The following CASQ2 variants were observed in gnomAD, a reference collection of about 807,000 sequenced individuals.
CASQ2 encodes the protein calsequestrin-2.
In CASQ2, 49 loss-of-function variants were observed where a neutral mutation model predicts 46.5. The observed-to-expected ratio is 1.05, with a 90% CI of 0.84 to 1.34. The LOEUF is 1.34. Among genes scored for constraint, CASQ2 ranks in the 40% most tolerant of loss-of-function variants. The pLI is 0.00. For missense variants in CASQ2, 486 were observed against 481.3 expected (o/e 1.01, Z -0.09); for synonymous variants, 174 against 168.5 (o/e 1.03, Z -0.25).
chr1:115,733,672 G>A (rs1647865702), intron 4 of CASQ2, among the ~76,000 whole-genome samples: 1 of 152,144 alleles, frequency 6.6e-6, no homozygotes, highest in Non-Finnish European at 1.5e-5. Context: ...ACTTGGGAAA[G>A]AGATTTGTCC....
intron 7 of CASQ2, among the ~76,000 whole-genome samples, chr1:115,722,621 A>T (rs1290826692): frequency 1.3e-5 from 2 of 152,198 alleles, no homozygotes; most frequent in Non-Finnish European, 2.9e-5. Context: ...AGGAATAAAG[A>T]CAATAAAAAG....
intron 7 of CASQ2, among the ~76,000 whole-genome samples, chr1:115,722,895 A>G (rs915427549): frequency 2.6e-5 from 4 of 152,024 alleles, no homozygotes; most frequent in African/African-American, 9.7e-5. Context: ...TAAAAACACA[A>G]AAACTAGCCA....
At chr1:115,741,890 A>G (rs1261415367) in intron 2 of CASQ2, among the ~76,000 whole-genome samples, 1 of 152,248 alleles carries the variant, frequency 6.6e-6, no homozygotes, top group Non-Finnish European at 1.5e-5. Flanking sequence ...GTTTTCTCCA[A>G]ATGAACTCTT....
Position 115,732,982 on chromosome 1 carries a change from G to A in CASQ2, c.533-8C>T. The A allele has an allele frequency of 1.3e-6, 2 of 1,597,540 alleles. No individual in the cohort carries two copies. The highest frequency in any genetic ancestry group is 4.5e-5 in the East Asian group (2 of 44,774). The stretch of plus-strand genomic sequence containing the variant: ...CTTCAAAAGCCTTGTAGTCTAAGGG[G>A]AAAAATAAAGATGAAGGGAGAGACA... On this transcript the variant is annotated splice_region_variant and splice_polypyrimidine_tract_variant and intron_variant, in intron 4 of 10. Transcript: ENST00000261448.
chr1:115,740,879 G>A (rs773828359), intron 2 of CASQ2, 51 bp from the exon 3 acceptor site: 2 of 1,279,122 alleles, frequency 1.6e-6, no homozygotes, highest in African/African-American at 1.5e-5. Context: ...CGTAGGAAGA[G>A]TGATTGTATT....
intron 1 of CASQ2, among the ~76,000 whole-genome samples, chr1:115,747,659 T>C (rs10733096): frequency 0.27 from 41,638 of 152,124 alleles, 6,095 homozygotes; most frequent in East Asian, 0.43. Flanking sequence ...ATCAGCATTG[T>C]ATAGTTTTCA....
At chr1:115,714,297 A>G (rs1654634650) in intron 8 of CASQ2, among the ~76,000 whole-genome samples, 1 of 152,222 alleles carries the variant, frequency 6.6e-6, no homozygotes, top group East Asian at 1.9e-4. Flanking sequence ...TTAGAGGTCA[A>G]GATAGCCTGC....
intron 8 of CASQ2, among the ~76,000 whole-genome samples, chr1:115,710,592 CG>C (rs1341649169): frequency 6.6e-6 from 1 of 152,146 alleles, no homozygotes; most frequent in Non-Finnish European, 1.5e-5. Flanking sequence ...CCAGGGCTGG[CG>C]GGCTGGCCTC....
chr1:115,755,636 C>T (rs907151480), intron 1 of CASQ2, among the ~76,000 whole-genome samples: 2 of 152,198 alleles, frequency 1.3e-5, no homozygotes, highest in African/African-American at 4.8e-5. Flanking sequence ...CTGCTAATGA[C>T]AGCAAATGCC....
At chr1:115,746,806 T>C (rs1648405024) in intron 1 of CASQ2, among the ~76,000 whole-genome samples, 1 of 152,212 alleles carries the variant, frequency 6.6e-6, no homozygotes, top group South Asian at 2.1e-4. Context: ...TGACAAATAA[T>C]AATTGTACAT....
At chr1:115,738,186 C>T (rs746076884) in intron 4 of CASQ2, 38 bp downstream of exon 4, 15 of 1,274,806 alleles carry the variant, frequency 1.2e-5, no homozygotes, top group South Asian at 7.1e-5. Context: ...TGGAATCTAG[C>T]TTTTAGACTG....
intron 1 of CASQ2, among the ~76,000 whole-genome samples, chr1:115,746,310 T>C (rs1648389155): frequency 6.6e-6 from 1 of 152,198 alleles, no homozygotes; most frequent in Non-Finnish European, 1.5e-5. Flanking sequence ...GGTTTTTGAG[T>C]TAAATATTAG....
intron 2 of CASQ2, among the ~76,000 whole-genome samples, chr1:115,742,206 T>G (rs1252310221): frequency 6.6e-6 from 1 of 151,198 alleles, no homozygotes; most frequent in African/African-American, 2.4e-5. Context: ...ATATGAAAAA[T>G]TATATATTTT....
At chr1:115,701,963 C>T (rs1015654181) in intron 10 of CASQ2, among the ~76,000 whole-genome samples, 7 of 151,552 alleles carry the variant, frequency 4.6e-5, no homozygotes, top group Admixed American at 2.6e-4. Context: ...GCTCTTGTTG[C>T]CCAGGCTGGA....
chr1:115,755,786 C>A (rs1648739728), intron 1 of CASQ2, among the ~76,000 whole-genome samples: 2 of 152,162 alleles, frequency 1.3e-5, no homozygotes, highest in African/African-American at 2.4e-5. Flanking sequence ...TTCTTAAAAC[C>A]TCTATGAGGA....
At chr1:115,755,235 G>A (rs1361175568) in intron 1 of CASQ2, among the ~76,000 whole-genome samples, 2 of 152,164 alleles carry the variant, frequency 1.3e-5, no homozygotes, top group South Asian at 2.1e-4. Flanking sequence ...GACTGACATG[G>A]GGCAAGGCCA....
intron 3 of CASQ2, among the ~76,000 whole-genome samples, chr1:115,739,952 G>C (rs562629817): frequency 6.6e-6 from 1 of 152,302 alleles, no homozygotes; most frequent in East Asian, 1.9e-4. Flanking sequence ...GAGTCAATGA[G>C]ATGGCCAAGC....
At chr1:115,719,237 G>A (rs1274898152) in intron 7 of CASQ2, among the ~76,000 whole-genome samples, 2 of 151,324 alleles carry the variant, frequency 1.3e-5, no homozygotes, top group Non-Finnish European at 2.9e-5. Context: ...TTACAGATAC[G>A]CATGTGTGTG....
At position 115,717,894 on chromosome 1, in the gene CASQ2, C is replaced by T; in HGVS notation, c.784G>A (p.Glu262Lys). The T allele has an allele frequency of 6.2e-7, 1 of 1,607,148 alleles. No homozygotes were observed. The highest frequency in any genetic ancestry group is 8.5e-7 in the Non-Finnish European group (1 of 1,173,684). The change falls in exon 8 of 11, where the codon GAA becomes AAA. Residue 262 changes from glutamate (E) to lysine (K), a missense_variant and splice_region_variant. Transcript: ENST00000261448. ...ATGTGGATCCCATTCAAATCATCTT[C>T]CTGTATGAGAAAAGTAACAAAAGTT... ...LRPEEMFETW[E>K]DDLNGIHIVA... is the part of the protein sequence containing the mutation.
Sources: allele counts gnomAD v4.1 joint callset (sites outside exome capture counted in the v4.1 genomes callset), GRCh38; gene constraint gnomAD v4.1.1; transcripts MANE v1.5; gene names NCBI Gene and HGNC (gene_info 2026-07-23, HGNC 2026-07-21).